PCDHGA11: variants seen among roughly 807,000 people sequenced by gnomAD.
PCDHGA11 encodes protocadherin gamma subfamily A, 11, also known as protocadherin gamma-A11.
Under a neutral mutation model 60.4 loss-of-function variants are expected in PCDHGA11, and 39 were observed. The ratio of observed to expected loss-of-function variants is 0.65; its 90% confidence interval spans 0.50 to 0.84. The LOEUF (loss-of-function observed/expected upper bound fraction) is 0.84. Ranked by LOEUF, PCDHGA11 falls within the 40% of genes least tolerant of loss-of-function variation. The probability of loss-of-function intolerance (pLI) is 0.00; values close to 1 mark genes in which losing one functional copy is unlikely to be tolerated. For synonymous variants in PCDHGA11, 533 were observed against 510.3 expected, an observed-to-expected ratio of 1.04 and a Z score of -0.60; for missense variants, 1,165 against 1,197.7, an observed-to-expected ratio of 0.97 and a Z score of 0.40.
chr5:141,431,111 G>A lies in PCDHGA11; in HGVS notation c.2433+7451G>A, dbSNP rs2097343539. The A allele has an allele frequency of 1.9e-6, 3 of 1,614,110 alleles. No individual in the cohort carries two copies. Among genetic ancestry groups the A allele is most frequent in the Non-Finnish European group, 2.5e-6 (3 of 1,180,034 alleles). On this transcript the variant is annotated intron_variant, in intron 1 of 3. Coordinates refer to ENST00000398587, the MANE Select transcript of PCDHGA11 (RefSeq NM_018914.3). This position sits in a 1 kb window ranked among gnomAD's most constrained non-coding sequence, Gnocchi z 4.8. ...GATGGAGGATAAAGTGAAAATATAT[G>A]GAGTAGAAGTAGAAGTAAGGGACAT...
intron 1 of PCDHGA11, among the ~76,000 whole-genome samples, chr5:141,461,415 T>C (rs2099015091): frequency 6.6e-6 from 1 of 152,152 alleles, no homozygotes; most frequent in Non-Finnish European, 1.5e-5. Flanking sequence ...TTTCATATGT[T>C]TGTGGGCCAT....
In PCDHGA11 at chr5:141,501,310, C is replaced by T. The variant is rs958976594; in HGVS notation, c.2493-4083C>T. ...CCTTATACACACACACACACACACA[C>T]ACACACACACACACACACACACACC... On this transcript the variant is annotated intron_variant, in intron 2 of 3. Transcript: ENST00000398587. Among the ~76,000 whole-genome samples, 4 of 151,684 alleles carry T rather than the reference C, an allele frequency of 2.6e-5. No individual in the cohort carries two copies. The South Asian group carries it at 8.3e-4, about 32-fold the overall frequency.
chr5:141,439,013 A>T lies in PCDHGA11; in HGVS notation c.2433+15353A>T, dbSNP rs2098082221. 1.3e-5 allele frequency among the ~76,000 whole-genome samples: 2 copies of T among 151,700 alleles called. 1 individual carries two copies. The highest frequency in any genetic ancestry group is 1.3e-4 in the Admixed American group (2 of 15,214). On this transcript the variant is annotated intron_variant, in intron 1 of 3. Transcript: ENST00000398587. ...GGCTAAGGACCTGGTTTGTTTGTCA[A>T]ATTTTGAAAATAGATGCCTCAGTTC...
intron 1 of PCDHGA11, chr5:141,475,949 G>A: frequency 1.3e-6 from 1 of 758,910 alleles, no homozygotes; most frequent in South Asian, 1.9e-5. Flanking sequence ...TCCCCTTTCT[G>A]CGCCCCGGGA....
rs1358516648 is a variant in PCDHGA11, at chr5:141,489,199, A to C, written c.2434-5608A>C. The C allele has an allele frequency of 1.4e-6, 2 of 1,395,234 alleles. No individual in the cohort carries two copies. The highest frequency in any genetic ancestry group is 2.8e-5 in the South Asian group (2 of 71,520). The allele number at this position is 1,395,234 out of a possible 1,614,324, so 86.4% of individuals were successfully genotyped here. ...CAAGCCCTGGGTCTACCTTGGAGAC[A>C]GGACAGCACAGACTTACTCTCCACA... On this transcript the variant is annotated intron_variant, in intron 1 of 3. Transcript: ENST00000398587. The surrounding 1 kb of genome is among the most constrained non-coding windows in gnomAD (Gnocchi z 4.5).
intron 1 of PCDHGA11, among the ~76,000 whole-genome samples, chr5:141,448,871 G>A (rs1326162054): frequency 6.6e-6 from 1 of 152,148 alleles, no homozygotes; most frequent in Non-Finnish European, 1.5e-5. Flanking sequence ...CGTGAACCTG[G>A]GAGGCGGAGC....
chr5:141,460,470 A>T (rs2098990057), intron 1 of PCDHGA11, among the ~76,000 whole-genome samples: 1 of 152,110 alleles, frequency 6.6e-6, no homozygotes, highest in South Asian at 2.1e-4. Flanking sequence ...TTTCCAAAGG[A>T]ATATCCAATT....
chr5:141,502,868 T>TTTTTTTTTC (rs1298099288), intron 2 of PCDHGA11, among the ~76,000 whole-genome samples: 1 of 147,026 alleles, frequency 6.8e-6, no homozygotes, highest in Non-Finnish European at 1.5e-5. Flanking sequence ...CTCTCTGTCT[T>TTTTTTTTTC]TTTTTTTTTT....
At chr5:141,461,312 C>T (rs1318872213) in intron 1 of PCDHGA11, among the ~76,000 whole-genome samples, 1 of 152,064 alleles carries the variant, frequency 6.6e-6, no homozygotes, top group African/African-American at 2.4e-5. Flanking sequence ...TGTTTTTTGA[C>T]TTTTTAATAA....
In PCDHGA11 at chr5:141,489,362, C is replaced by T. The variant is rs1562129544; in HGVS notation, c.2434-5445C>T. 8 of 1,613,052 alleles carry T rather than the reference C, an allele frequency of 5.0e-6. No individual in the cohort carries two copies. Among genetic ancestry groups the T allele is most frequent in the South Asian group, 2.2e-5 (2 of 90,970 alleles). On this transcript the variant is annotated intron_variant, in intron 1 of 3. Coordinates refer to ENST00000398587, the MANE Select transcript of PCDHGA11 (RefSeq NM_018914.3). The surrounding 1 kb of genome is among the most constrained non-coding windows in gnomAD (Gnocchi z 4.5). ...TACTCAGTGGTGGAGGAGTCTGAGC[C>T]GGGGACGCTGGTGGGGAATGTTGCT...
At chr5:141,505,804 G>A (rs554534524) in intron 3 of PCDHGA11, among the ~76,000 whole-genome samples, 13 of 152,240 alleles carry the variant, frequency 8.5e-5, no homozygotes, top group Admixed American at 3.3e-4. Context: ...GACTTGGATC[G>A]ACTTGCTCAA....
intron 1 of PCDHGA11, chr5:141,468,330 C>CAAAAAA (rs533390277): frequency 1.3e-5 from 1 of 79,878 alleles, no homozygotes. Context: ...AACTCCATCT[C>CAAAAAA]AAAAAAAAAA....
chr5:141,439,965 T>C (rs1212358198), intron 1 of PCDHGA11: 1 of 152,760 alleles, frequency 6.5e-6, no homozygotes, highest in Non-Finnish European at 1.5e-5. Flanking sequence ...CGTTATTCAG[T>C]CCTAGAGGAG....
rs187873649 is a variant in PCDHGA11, at chr5:141,469,715, G to A, written c.2434-25092G>A. ...TATGACCTAGTAATCACACTATTAG[G>A]AATTTATCATAAATACACACCTCAA... On this transcript the variant is annotated intron_variant, in intron 1 of 3. Coordinates refer to ENST00000398587, the MANE Select transcript of PCDHGA11 (RefSeq NM_018914.3). Among the ~76,000 whole-genome samples, 552 of 152,160 alleles carry A rather than the reference G, an allele frequency of 3.6e-3. 1 individual carries two copies. Among genetic ancestry groups the A allele is most frequent in the Non-Finnish European group, 5.8e-3 (397 of 68,008 alleles).
intron 1 of PCDHGA11, among the ~76,000 whole-genome samples, chr5:141,437,426 C>T (rs531265278): frequency 6.6e-6 from 1 of 152,268 alleles, no homozygotes; most frequent in South Asian, 2.1e-4. Flanking sequence ...CTTTTTGAAG[C>T]AGCAATAGCA....
chr5:141,453,721 A>G (rs373983847), intron 1 of PCDHGA11, among the ~76,000 whole-genome samples: 4 of 152,244 alleles, frequency 2.6e-5, no homozygotes, highest in East Asian at 1.9e-4. Flanking sequence ...CTATAAAAAT[A>G]TTTGTTACTA....
chr5:141,465,968 A>G (rs2099113507), intron 1 of PCDHGA11, among the ~76,000 whole-genome samples: 3 of 151,940 alleles, frequency 2.0e-5, no homozygotes, highest in Admixed American at 6.6e-5. Flanking sequence ...TAAAAATACA[A>G]AAAATTAGCC....
chr5:141,480,021 C>G (rs1415230863), intron 1 of PCDHGA11, among the ~76,000 whole-genome samples: 1 of 152,208 alleles, frequency 6.6e-6, no homozygotes, highest in Non-Finnish European at 1.5e-5. Context: ...AATCTCCTTT[C>G]TAAGCCTCTT....
rs188117490 is a variant in PCDHGA11 at position 141,507,256 on chromosome 5, C to G, written c.2581+1775C>G. 3 of 152,178 alleles carry G rather than the reference C, an allele frequency of 2.0e-5. No individual in the cohort carries two copies. In the East Asian group the frequency reaches 5.8e-4, roughly 29 times the overall value. The allele number at this position is 152,178 out of a possible 1,614,324, so 9.4% of individuals were successfully genotyped here. ...CAGTTACAGTTGAATGTCAGATAAA[C>G]AGCAAGTACTATTTCAGCATAAGTC... On this transcript the variant is annotated intron_variant, in intron 3 of 3. Coordinates refer to ENST00000398587, the MANE Select transcript of PCDHGA11 (RefSeq NM_018914.3).
Sources: gnomAD v4.1 joint callset for allele counts (sites outside exome capture counted in the v4.1 genomes callset) on GRCh38, gnomAD v4.1.1 for gene constraint, Gnocchi (gnomAD v3.1) non-coding constraint, MANE v1.5 for transcripts, NCBI Gene and HGNC (gene_info 2026-07-23, HGNC 2026-07-21) for gene names.